ARHGAP31: variants seen among roughly 807,000 people sequenced by gnomAD.
ARHGAP31 encodes the protein Rho GTPase activating protein 31.
In ARHGAP31, 34 loss-of-function variants were observed where a neutral mutation model predicts 113.9. The ratio of observed to expected loss-of-function variants is 0.30; its 90% confidence interval spans 0.23 to 0.40. The LOEUF is 0.40. ARHGAP31 is among the 10% of genes least tolerant of loss of function. The pLI, the probability that ARHGAP31 is intolerant of heterozygous loss-of-function variation, is 1.00. For synonymous variants in ARHGAP31, 650 were observed against 684.8 expected (o/e 0.95, Z 0.79); for missense variants, 1,548 against 1,767.1 (o/e 0.88, Z 2.22).
intron 1 of ARHGAP31, among the ~76,000 whole-genome samples, chr3:119,315,083 T>C (rs1484723143): frequency 6.6e-6 from 1 of 152,230 alleles, no homozygotes; most frequent in African/African-American, 2.4e-5. Flanking sequence ...TAGTACATTG[T>C]CCAGGTGCAT....
At chr3:119,389,445 A>C (rs1430303635) in intron 6 of ARHGAP31, among the ~76,000 whole-genome samples, 2 of 152,252 alleles carry the variant, frequency 1.3e-5, no homozygotes, top group African/African-American at 4.8e-5. Context: ...AAGTAGATTA[A>C]ATTTAAATAT....
intron 1 of ARHGAP31, among the ~76,000 whole-genome samples, chr3:119,300,926 T>C (rs1425231880): frequency 2.6e-5 from 4 of 151,902 alleles, no homozygotes; most frequent in African/African-American, 7.2e-5. Flanking sequence ...AGGTCCTGGA[T>C]GTGGAGCTTG....
chr3:119,397,570 G>A (rs1241337554), intron 8 of ARHGAP31, among the ~76,000 whole-genome samples: 1 of 152,224 alleles, frequency 6.6e-6, no homozygotes, highest in East Asian at 1.9e-4. Context: ...GAAGTGAGGA[G>A]GTGAAAGGCA....
At chr3:119,355,854 A>G (rs2080152124) in intron 1 of ARHGAP31, among the ~76,000 whole-genome samples, 1 of 152,164 alleles carries the variant, frequency 6.6e-6, no homozygotes, top group African/African-American at 2.4e-5. Flanking sequence ...CATGGTGTAT[A>G]TGTGCCACAT....
intron 7 of ARHGAP31, among the ~76,000 whole-genome samples, chr3:119,392,518 A>G (rs2080513557): frequency 6.6e-6 from 1 of 152,242 alleles, no homozygotes; most frequent in Non-Finnish European, 1.5e-5. Context: ...CCTGCGGAGA[A>G]TAGGTCCTTT....
At chr3:119,340,365 C>T (rs181107491) in intron 1 of ARHGAP31, among the ~76,000 whole-genome samples, 18 of 152,278 alleles carry the variant, frequency 1.2e-4, no homozygotes, top group Admixed American at 3.9e-4. Flanking sequence ...GTTCCCTTCT[C>T]GTTTTGTCAT....
At chr3:119,376,956 G>C (rs754667286) in intron 3 of ARHGAP31, among the ~76,000 whole-genome samples, 2 of 152,198 alleles carry the variant, frequency 1.3e-5, no homozygotes, top group Non-Finnish European at 2.9e-5. Flanking sequence ...CCAGGATATT[G>C]GTCATCCTAC....
rs145481553 is a variant in ARHGAP31 at position 119,351,813 on chromosome 3, C to T, written c.101-13503C>T. ...CGGCCGTTCTCTGTATCCATTAGCA[C>T]TTAAGAGCCTCCACCAGTGGTATCC... On this transcript the variant is annotated intron_variant, in intron 1 of 11. Transcript: ENST00000264245. Among the ~76,000 whole-genome samples, 786 of 152,376 alleles carry T rather than the reference C, an allele frequency of 5.2e-3. 5 individuals carry two copies. The highest frequency in any genetic ancestry group is 0.017 in the African/African-American group (720 of 41,586).
chr3:119,298,897 C>A, intron 1 of ARHGAP31: 1 of 236,222 alleles, frequency 4.2e-6, no homozygotes, highest in Non-Finnish European at 8.7e-6. Flanking sequence ...GTGAGTTGTG[C>A]CATTCACAGC....
At chr3:119,372,464 G>A (rs2080306582) in intron 3 of ARHGAP31, among the ~76,000 whole-genome samples, 1 of 151,958 alleles carries the variant, frequency 6.6e-6, no homozygotes, top group Non-Finnish European at 1.5e-5. Flanking sequence ...TGTATTTTTA[G>A]TAGAGACGGG....
In ARHGAP31 at chr3:119,390,895, C is replaced by G. The variant is rs368670775; in HGVS notation, c.793C>G (p.Arg265Gly). ...CAGCCTGGCCACTAACCATCCTGCT[C>G]GCAAGGAAAGGAGGGAGAACAGCCT... is the stretch of plus-strand genomic sequence containing the variant. ...ARSLATNHPA[R>G]KERRENSLPE... The change falls in exon 7 of 12, where the codon CGC becomes GGC. Residue 265 changes from arginine to glycine, a missense_variant. Arg to Gly is a moderately radical substitution (Grantham distance 125). Transcript: ENST00000264245. 2 of 1,614,116 alleles carry G rather than the reference C, an allele frequency of 1.2e-6. No homozygotes were observed. The highest frequency in any genetic ancestry group is 1.7e-5 in the Admixed American group (1 of 60,018).
At chr3:119,313,741 C>A (rs553598902) in intron 1 of ARHGAP31, among the ~76,000 whole-genome samples, 18 of 152,314 alleles carry the variant, frequency 1.2e-4, no homozygotes, top group African/African-American at 4.1e-4. Flanking sequence ...CCAGGCCAAC[C>A]TGGCACAGAT....
At chr3:119,380,383 C>G (rs2080385606) in intron 3 of ARHGAP31, among the ~76,000 whole-genome samples, 2 of 146,834 alleles carry the variant, frequency 1.4e-5, no homozygotes, top group South Asian at 4.3e-4. Context: ...TATTTATTTA[C>G]TTGCTTGTTA....
At chr3:119,401,762 A>C in intron 9 of ARHGAP31, 60 bp from the exon 10 acceptor site, 1 of 1,514,700 alleles carries the variant, frequency 6.6e-7, no homozygotes, top group Non-Finnish European at 9.1e-7. Context: ...CCCTTACTGG[A>C]AGGCCTGCTA....
At chr3:119,313,184 A>G (rs1418195687) in intron 1 of ARHGAP31, among the ~76,000 whole-genome samples, 1 of 152,238 alleles carries the variant, frequency 6.6e-6, no homozygotes, top group African/African-American at 2.4e-5. Flanking sequence ...TCTAAAGAGT[A>G]TAGTAAAAAA....
intron 8 of ARHGAP31, among the ~76,000 whole-genome samples, chr3:119,398,923 A>G (rs760458176): frequency 6.6e-6 from 1 of 152,164 alleles, no homozygotes. Flanking sequence ...AGGAGTCCTC[A>G]TTTGCTATGA....
At chr3:119,318,497 G>A (rs1479724564) in intron 1 of ARHGAP31, among the ~76,000 whole-genome samples, 2 of 152,190 alleles carry the variant, frequency 1.3e-5, no homozygotes, top group African/African-American at 4.8e-5. Context: ...CCCAGTAGAT[G>A]CAGGTCAGCT....
chr3:119,400,161 G>T (rs1447936963), intron 9 of ARHGAP31, among the ~76,000 whole-genome samples: 1 of 152,214 alleles, frequency 6.6e-6, no homozygotes, highest in East Asian at 1.9e-4. Flanking sequence ...GCCGGGTGTG[G>T]TGGCTCATGC....
chr3:119,345,563 C>G (rs1001151295), intron 1 of ARHGAP31, among the ~76,000 whole-genome samples: 18 of 152,136 alleles, frequency 1.2e-4, no homozygotes, highest in African/African-American at 4.3e-4. Flanking sequence ...ATGCTAAGCT[C>G]CTGGGGATGG....
Sources: allele counts gnomAD v4.1 joint callset (sites outside exome capture counted in the v4.1 genomes callset), GRCh38; gene constraint gnomAD v4.1.1; transcripts MANE v1.5; gene names NCBI Gene and HGNC (gene_info 2026-07-23, HGNC 2026-07-21).